The following CHD2 variants were observed in gnomAD, a reference collection of about 807,000 sequenced individuals.
CHD2 encodes chromodomain helicase DNA binding protein 2.
Under a neutral mutation model 243.9 loss-of-function variants are expected in CHD2, and 28 were observed. The ratio of observed to expected loss-of-function variants is 0.11; its 90% CI spans 0.09 to 0.16. CHD2 has a LOEUF of 0.16. Ranked by LOEUF, CHD2 falls within the 10% of genes least tolerant of loss-of-function variation. CHD2 has a pLI of 1.00. For synonymous variants in CHD2, 775 were observed against 779.0 expected, an observed-to-expected ratio of 0.99 and a Z score of 0.09; for missense variants, 1,386 against 2,209.8, an observed-to-expected ratio of 0.63 and a Z score of 7.47.
At chr15:93,000,802 T>C (rs1240827096) in intron 32 of CHD2, among the ~76,000 whole-genome samples, 162 bp downstream of exon 32, 1 of 152,250 alleles carries the variant, frequency 6.6e-6, no homozygotes, top group East Asian at 1.9e-4. Context: ...ATAGTTTAAG[T>C]CAGCAACTGC....
At chr15:93,010,985 A>G (rs1038095467) in intron 35 of CHD2, among the ~76,000 whole-genome samples, 10 of 152,224 alleles carry the variant, frequency 6.6e-5, no homozygotes, top group Admixed American at 1.3e-4. Context: ...CTTCACACCT[A>G]TAAAGAAAAG....
intron 15 of CHD2, 30 bp downstream of exon 15, chr15:92,955,542 C>A: frequency 7.0e-7 from 1 of 1,426,354 alleles, no homozygotes; most frequent in East Asian, 2.4e-5. Flanking sequence ...AAGGCTAAAT[C>A]TTTTCCAGTG....
chr15:93,021,624 T>A (rs1195746369), intron 38 of CHD2: 2 of 152,248 alleles, frequency 1.3e-5, no homozygotes. Flanking sequence ...TACTTTCCTT[T>A]TCAATGTCAA....
intron 28 of CHD2, chr15:92,993,269 G>A: frequency 5.9e-6 from 2 of 339,746 alleles, no homozygotes; most frequent in South Asian, 6.9e-5. Context: ...TCGTCGGAGT[G>A]ATGTAAAAAC....
chr15:92,980,415 A>C (rs1378051333), intron 22 of CHD2, among the ~76,000 whole-genome samples: 3 of 151,982 alleles, frequency 2.0e-5, no homozygotes, highest in East Asian at 1.9e-4. Context: ...ATGTTTTCAG[A>C]TAGTTTTCTG....
intron 13 of CHD2, among the ~76,000 whole-genome samples, chr15:92,949,526 C>T (rs1040649547): frequency 6.6e-6 from 1 of 152,088 alleles, no homozygotes; most frequent in African/African-American, 2.4e-5. Context: ...CCCTTCACTC[C>T]ACTCCCTACC....
chr15:93,011,601 G>T (rs1489414568), intron 35 of CHD2, among the ~76,000 whole-genome samples: 1 of 152,216 alleles, frequency 6.6e-6, no homozygotes, highest in Admixed American at 6.5e-5. Context: ...TCAGCAGCAA[G>T]CCATGGTGAA....
At chr15:92,915,689 A>C (rs1427876396) in intron 2 of CHD2, among the ~76,000 whole-genome samples, 3 of 152,230 alleles carry the variant, frequency 2.0e-5, no homozygotes, top group Non-Finnish European at 4.4e-5. Context: ...TTGTGTTTTA[A>C]AAATTTAATA....
At chr15:92,923,386 G>A (rs2052996401) in intron 2 of CHD2, among the ~76,000 whole-genome samples, 1 of 151,602 alleles carries the variant, frequency 6.6e-6, no homozygotes, top group African/African-American at 2.4e-5. Flanking sequence ...TGAGTTTCCC[G>A]AGTAGCTGGG....
chr15:92,971,746 T>C lies in CHD2; in HGVS notation c.2190-19T>C. The C allele has an allele frequency of 1.2e-6, 2 of 1,608,266 alleles. No individual in the cohort carries two copies. The highest frequency in any genetic ancestry group is 1.7e-6 in the Non-Finnish European group (2 of 1,177,402). ...TGTTTTTTTGTATCTAGTAGTATCA[T>C]TATCATTTTAATTTGCAGGTGGATT... On this transcript the variant is annotated intron_variant, in intron 17 of 38. Coordinates refer to ENST00000394196, the MANE Select transcript of CHD2 (RefSeq NM_001271.4).
At chr15:93,000,692 A>C in intron 32 of CHD2, 52 bp downstream of exon 32, 1 of 1,545,344 alleles carries the variant, frequency 6.5e-7, no homozygotes, top group Non-Finnish European at 8.8e-7. Context: ...AGCTATACTT[A>C]TCATGCCAGC....
chr15:92,917,772 T>C (rs2052869965), intron 2 of CHD2, among the ~76,000 whole-genome samples: 1 of 152,148 alleles, frequency 6.6e-6, no homozygotes, highest in South Asian at 2.1e-4. Flanking sequence ...GACTGTGGGG[T>C]GATATCTTAC....
intron 5 of CHD2, among the ~76,000 whole-genome samples, chr15:92,930,810 C>G (rs1463789031): frequency 1.3e-5 from 2 of 152,102 alleles, no homozygotes; most frequent in African/African-American, 4.8e-5. Flanking sequence ...CCTCTTAGTT[C>G]CTTGCAGAGT....
chr15:92,911,594 T>TG (rs559372092), intron 2 of CHD2, among the ~76,000 whole-genome samples: 419 of 152,118 alleles, frequency 2.8e-3, no homozygotes, highest in African/African-American at 9.0e-3. Context: ...AAAAATTAGC[T>TG]GGATGTGGTG....
chr15:92,956,789 G>A, intron 16 of CHD2, 140 bp downstream of exon 16: 2 of 714,136 alleles, frequency 2.8e-6, no homozygotes, highest in South Asian at 2.1e-5. Context: ...AGGGATGGCG[G>A]TAGTAAAATG....
At chr15:92,944,588 T>C (rs1254734470) in intron 10 of CHD2, 73 bp downstream of exon 10, 1 of 729,008 alleles carries the variant, frequency 1.4e-6, no homozygotes, top group Non-Finnish European at 2.2e-6. Flanking sequence ...GGAAGTAATG[T>C]AAATTTTAAA....
In CHD2 at chr15:93,024,297, C is replaced by T. The variant is rs12905032; in HGVS notation, c.5154-75C>T. On this transcript the variant is annotated intron_variant, in intron 38 of 38. Coordinates refer to ENST00000394196, the MANE Select transcript of CHD2 (RefSeq NM_001271.4). ...TTGAATATGAGTATATGAGGAAGAG[C>T]CAAGTGGGTAGTGAAGAGAAGTGGA... 289,402 of 1,326,890 alleles carry T rather than the reference C, an allele frequency of 0.22. 36,279 individuals are homozygous for T. Among genetic ancestry groups the T allele is most frequent in the Non-Finnish European group, 0.26 (245,770 of 949,356 alleles). The allele number at this position is 1,326,890 out of a possible 1,614,324, so 82.2% of individuals were successfully genotyped here.
At chr15:93,000,784 C>A (rs1450663276) in intron 32 of CHD2, 144 bp downstream of exon 32, 16 of 896,826 alleles carry the variant, frequency 1.8e-5, no homozygotes, top group Non-Finnish European at 2.6e-5. Flanking sequence ...CTTAATCTGT[C>A]AGCGAGGATA....
At chr15:93,009,362 T>C (rs2054361747) in intron 35 of CHD2, 39 bp downstream of exon 35, 4 of 1,587,286 alleles carry the variant, frequency 2.5e-6, no homozygotes, top group Middle Eastern at 1.7e-4. Flanking sequence ...TTGATTTGAC[T>C]GAGTGTGGGA....
Sources: allele counts gnomAD v4.1 joint callset (sites outside exome capture counted in the v4.1 genomes callset), GRCh38; gene constraint gnomAD v4.1.1; transcripts MANE v1.5; gene names NCBI Gene and HGNC (gene_info 2026-07-23, HGNC 2026-07-21).